C11orf65: variants seen among roughly 807,000 people sequenced by gnomAD.
The protein encoded by C11orf65 is chromosome 11 open reading frame 65, also known as protein MFI.
Under a neutral mutation model 35.3 loss-of-function variants are expected in C11orf65, and 38 were observed. The ratio of observed to expected loss-of-function variants is 1.08; its 90% CI spans 0.83 to 1.41. C11orf65 has a LOEUF of 1.41. Among genes scored for constraint, C11orf65 ranks in the 40% most tolerant of loss-of-function variants. The pLI, the probability that C11orf65 is intolerant of heterozygous loss-of-function variation, is 0.00. For missense variants in C11orf65, 370 were observed against 367.1 expected (o/e 1.01, Z -0.06); for synonymous variants, 105 against 114.4 (o/e 0.92, Z 0.53).
intron 2 of C11orf65, among the ~76,000 whole-genome samples, chr11:108,375,351 A>ATTT (rs745755832): frequency 5.9e-5 from 9 of 151,820 alleles, no homozygotes; most frequent in African/African-American, 1.7e-4. Flanking sequence ...AAAGAAAAGA[A>ATTT]TTTTCAACCC....
At chr11:108,390,239 T>C (rs1434508746) in intron 7 of C11orf65, among the ~76,000 whole-genome samples, 1 of 151,852 alleles carries the variant, frequency 6.6e-6, no homozygotes, top group East Asian at 1.9e-4. Flanking sequence ...TTAGCCAGGA[T>C]AGTCTCGATC....
chr11:108,322,480 A>G (rs914343212), intron 6 of C11orf65, among the ~76,000 whole-genome samples: 4 of 152,272 alleles, frequency 2.6e-5, no homozygotes, highest in South Asian at 2.1e-4. Context: ...CTGGTGACTG[A>G]TAATTATGTT....
chr11:108,411,980 T>C (rs907758946), intron 3 of C11orf65, among the ~76,000 whole-genome samples: 1 of 152,090 alleles, frequency 6.6e-6, no homozygotes, highest in Non-Finnish European at 1.5e-5. Flanking sequence ...TTCACCACGT[T>C]GGCCAAGCTG....
intron 2 of C11orf65, among the ~76,000 whole-genome samples, chr11:108,451,150 C>T (rs57637770): frequency 0.18 from 27,663 of 151,680 alleles, 3,030 homozygotes; most frequent in African/African-American, 0.27. Context: ...GTTGGAAGTT[C>T]GGGCAGGGCA....
intron 2 of C11orf65, among the ~76,000 whole-genome samples, chr11:108,441,834 G>A (rs2093159446): frequency 6.6e-6 from 1 of 152,190 alleles, no homozygotes; most frequent in South Asian, 2.1e-4. Context: ...CATCATCAAA[G>A]ACCAAAGGTA....
Position 108,370,769 on chromosome 11 carries a change from G to C in C11orf65, c.226+22439C>G, listed in dbSNP as rs137921387. ...GATTATTTTCCTTGAATCTGTTAAT[G>C]TAGTGAACTACACTGTTTGATTTTC... On this transcript the variant is annotated intron_variant, in intron 2 of 3. Transcript: ENST00000524755. Among the ~76,000 whole-genome samples, 30 of 152,146 alleles carry C rather than the reference G, an allele frequency of 2.0e-4. 1 individual carries two copies. The East Asian group carries it at 5.4e-3, about 27-fold the overall frequency.
At chr11:108,339,625 T>G (rs1416698077) in intron 2 of C11orf65, among the ~76,000 whole-genome samples, 2 of 152,144 alleles carry the variant, frequency 1.3e-5, no homozygotes, top group African/African-American at 4.8e-5. Flanking sequence ...AAATTCAAAT[T>G]CAGCTCTTTC....
intron 3 of C11orf65, among the ~76,000 whole-genome samples, chr11:108,430,223 C>T (rs548457888): frequency 5.4e-5 from 8 of 149,356 alleles, no homozygotes; most frequent in African/African-American, 2.0e-4. Context: ...CCGCCTCCCA[C>T]GTTCATGCCA....
At chr11:108,434,940 A>G (rs1472407896) in intron 2 of C11orf65, among the ~76,000 whole-genome samples, 1 of 152,214 alleles carries the variant, frequency 6.6e-6, no homozygotes, top group East Asian at 1.9e-4. Context: ...CCCTGAAGTA[A>G]CTGGCCTGAT....
chr11:108,404,876 C>A (rs538528069), intron 6 of C11orf65, among the ~76,000 whole-genome samples: 1 of 152,268 alleles, frequency 6.6e-6, no homozygotes, highest in African/African-American at 2.4e-5. Flanking sequence ...TTCGATCAGG[C>A]TGCTGGGAAA....
chr11:108,408,473 C>A (rs747144060), intron 3 of C11orf65, among the ~76,000 whole-genome samples: 42 of 151,498 alleles, frequency 2.8e-4, no homozygotes, highest in Non-Finnish European at 5.3e-4. Context: ...TCAGGAGTTC[C>A]AAAGCCAGCC....
intron 3 of C11orf65, chr11:108,331,579 A>G (rs1309995213): frequency 1.9e-6 from 3 of 1,589,114 alleles, no homozygotes; most frequent in Admixed American, 1.7e-5. Context: ...TGAAAATCAA[A>G]CCACAATAAT....
chr11:108,330,106 T>C (rs2086094839), downstream of C11orf65: 5 of 1,257,396 alleles, frequency 4.0e-6, no homozygotes, highest in South Asian at 6.6e-5. Flanking sequence ...CTTTTTTCCC[T>C]GGGATAAAAA....
upstream of C11orf65, among the ~76,000 whole-genome samples, chr11:108,468,197 A>G (rs1043941839): frequency 7.2e-5 from 11 of 152,186 alleles, no homozygotes; most frequent in Non-Finnish European, 1.5e-4. Context: ...TGATCCTTCT[A>G]GCTATTTGAC....
At chr11:108,445,735 G>A (rs940162732) in intron 2 of C11orf65, among the ~76,000 whole-genome samples, 18 of 151,804 alleles carry the variant, frequency 1.2e-4, no homozygotes, top group East Asian at 7.7e-4. Flanking sequence ...CCAAAGGAAC[G>A]CAGCTCCTCA....
chr11:108,358,574 C>T (rs2090325781), intron 2 of C11orf65, among the ~76,000 whole-genome samples: 1 of 121,462 alleles, frequency 8.2e-6, no homozygotes, highest in Admixed American at 8.9e-5. Context: ...AAAGGGAAGC[C>T]CATCAGACTA....
chr11:108,345,194 G>A (rs2088168877), intron 2 of C11orf65, among the ~76,000 whole-genome samples: 1 of 152,164 alleles, frequency 6.6e-6, no homozygotes, highest in Admixed American at 6.5e-5. Context: ...AGCTTGAGAA[G>A]CACATTAAGC....
chr11:108,316,257 T>A, intron 6 of C11orf65: 2 of 896,536 alleles, frequency 2.2e-6, no homozygotes, highest in Non-Finnish European at 3.6e-6. Context: ...AGGCTAAACA[T>A]TCAGGGATAC....
chr11:108,395,564 G>A (rs1362128847), intron 6 of C11orf65, among the ~76,000 whole-genome samples: 6 of 150,690 alleles, frequency 4.0e-5, no homozygotes, highest in South Asian at 2.1e-4. Context: ...TGATCTGCCC[G>A]CCTCAGCCTC....
Sources: allele counts gnomAD v4.1 joint callset (sites outside exome capture counted in the v4.1 genomes callset), GRCh38; gene constraint gnomAD v4.1.1; transcripts MANE v1.5; gene names NCBI Gene and HGNC (gene_info 2026-07-23, HGNC 2026-07-21).